MEMO1: variants seen among roughly 807,000 people sequenced by gnomAD.
The protein encoded by MEMO1 is mediator of cell motility 1.
MEMO1 carries 6 observed loss-of-function variants against 45.2 expected under a neutral mutation model. The ratio of observed to expected loss-of-function variants is 0.13; its 90% CI spans 0.07 to 0.26. MEMO1 has a LOEUF of 0.26. MEMO1 is among the 10% of genes least tolerant of loss of function. The pLI is 1.00. For missense variants in MEMO1, 184 were observed against 370.5 expected (o/e 0.50, Z 4.13); for synonymous variants, 78 against 124.3 (o/e 0.63, Z 2.48).
intron 2 of MEMO1, among the ~76,000 whole-genome samples, chr2:31,980,901 T>C (rs945130829): frequency 6.6e-6 from 1 of 152,196 alleles, no homozygotes; most frequent in African/African-American, 2.4e-5. Flanking sequence ...AACAGATGAC[T>C]AAATCAGGAA....
At chr2:31,946,527 C>T (rs559307814) in intron 2 of MEMO1, among the ~76,000 whole-genome samples, 3 of 152,256 alleles carry the variant, frequency 2.0e-5, no homozygotes, top group Admixed American at 6.5e-5. Context: ...AATGACGTTT[C>T]GGTCAACAAT....
chr2:31,991,874 T>A (rs1671996239), intron 2 of MEMO1, among the ~76,000 whole-genome samples: 1 of 152,134 alleles, frequency 6.6e-6, no homozygotes, highest in African/African-American at 2.4e-5. Flanking sequence ...CCATCATCTA[T>A]AGAAAAAACA....
chr2:31,904,949 A>G (rs1415296808), intron 6 of MEMO1, among the ~76,000 whole-genome samples: 4 of 152,098 alleles, frequency 2.6e-5, no homozygotes, highest in African/African-American at 4.8e-5. Context: ...GATCCAGAAA[A>G]CAGGCTGGGC....
chr2:31,932,142 A>G lies in MEMO1; in HGVS notation c.144-7T>C, dbSNP rs1664253673. ...GTACGTATATCCTGCATGGCTACAA[A>G]ACAAAATATTTTTAAACTTAATCAT... is the stretch of plus-strand genomic sequence containing the variant. On this transcript the variant is annotated splice_polypyrimidine_tract_variant and splice_region_variant and intron_variant, in intron 3 of 9. Coordinates refer to ENST00000404530, the MANE Select transcript of MEMO1 (RefSeq NM_001301833.4). 6.2e-7 allele frequency: 1 copy of G among 1,610,860 alleles called. No homozygotes were observed. Among genetic ancestry groups the G allele is most frequent in the African/African-American group, 1.3e-5 (1 of 74,990 alleles).
chr2:32,008,589 G>GA (rs952717520), intron 2 of MEMO1, among the ~76,000 whole-genome samples: 65 of 147,306 alleles, frequency 4.4e-4, no homozygotes, highest in South Asian at 3.1e-3. Context: ...GTCTAGAGAG[G>GA]AAAAAAAAAA....
At chr2:31,870,064 A>T (rs1673468059) in intron 8 of MEMO1, 112 bp from the exon 9 acceptor site, 2 of 834,542 alleles carry the variant, frequency 2.4e-6, no homozygotes, top group Non-Finnish European at 3.3e-6. Context: ...TCAATTAGGG[A>T]GACACAAAGA....
At chr2:31,973,079 A>G (rs570996056) in intron 2 of MEMO1, among the ~76,000 whole-genome samples, 3 of 152,334 alleles carry the variant, frequency 2.0e-5, no homozygotes, top group Non-Finnish European at 4.4e-5. Flanking sequence ...GTCACTGTGG[A>G]AAAGTTTGTC....
intron 2 of MEMO1, among the ~76,000 whole-genome samples, chr2:32,009,381 C>G (rs1310740103): frequency 2.0e-5 from 3 of 152,044 alleles, no homozygotes; most frequent in Admixed American, 6.5e-5. Context: ...ACCCCCAAGC[C>G]CCTAGCTTAG....
intron 6 of MEMO1, among the ~76,000 whole-genome samples, chr2:31,902,481 G>GA (rs1165561062): frequency 5.3e-5 from 8 of 151,012 alleles, no homozygotes; most frequent in Non-Finnish European, 1.5e-5. Context: ...TGTTGCAGAA[G>GA]AAAAAAAAGA....
At chr2:31,981,113 A>G (rs1670583752) in intron 2 of MEMO1, among the ~76,000 whole-genome samples, 1 of 152,248 alleles carries the variant, frequency 6.6e-6, no homozygotes, top group South Asian at 2.1e-4. Context: ...TCAGAATCAT[A>G]TACAGAGTTT....
At chr2:31,873,841 A>T (rs1674151019) in intron 8 of MEMO1, among the ~76,000 whole-genome samples, 1 of 152,134 alleles carries the variant, frequency 6.6e-6, no homozygotes, top group Non-Finnish European at 1.5e-5. Context: ...TCAAGATAAA[A>T]TAGTAACAGT....
chr2:31,906,323 T>C (rs903394982), intron 6 of MEMO1, among the ~76,000 whole-genome samples: 1 of 149,844 alleles, frequency 6.7e-6, no homozygotes, highest in East Asian at 2.0e-4. Flanking sequence ...GTTTGTTTGT[T>C]TTTGTTTTTG....
intron 2 of MEMO1, among the ~76,000 whole-genome samples, chr2:31,961,331 T>C (rs1250611321): frequency 6.6e-6 from 1 of 151,764 alleles, no homozygotes; most frequent in Non-Finnish European, 1.5e-5. Context: ...CACTCTAGCC[T>C]GGGTGATAAA....
At chr2:31,969,131 C>T (rs1022500920) in intron 2 of MEMO1, among the ~76,000 whole-genome samples, 2 of 151,526 alleles carry the variant, frequency 1.3e-5, no homozygotes, top group Admixed American at 6.6e-5. Flanking sequence ...TCACTATATC[C>T]AACTGGCCAT....
rs1349862736 is a variant in MEMO1 at position 32,006,318 on chromosome 2, AGAT to A, written c.61+3866_61+3868del. On this transcript the variant is annotated intron_variant, in intron 2 of 9. Transcript: ENST00000404530. The stretch of plus-strand genomic sequence containing the variant: ...AGACAGTTGTAATTATTCTGACAGA[AGAT>A]GATAAGGGCCTAAAATAATGGGATG... Among the ~76,000 whole-genome samples the A allele has an allele frequency of 1.3e-5, 2 of 152,250 alleles. 1 individual carries two copies. The highest frequency in any genetic ancestry group is 4.8e-5 in the African/African-American group (2 of 41,478).
At chr2:31,881,737 G>C (rs1375392388) in intron 8 of MEMO1, among the ~76,000 whole-genome samples, 2 of 152,100 alleles carry the variant, frequency 1.3e-5, no homozygotes, top group Admixed American at 1.3e-4. Flanking sequence ...GCCAAGTGCG[G>C]CAGCTCACAC....
intron 2 of MEMO1, among the ~76,000 whole-genome samples, chr2:31,962,066 T>C (rs552803670): frequency 2.2e-4 from 33 of 152,180 alleles, no homozygotes; most frequent in African/African-American, 7.7e-4. Context: ...AATTCAGTTG[T>C]TATACTAAGA....
chr2:31,997,135 T>C (rs1156828733), intron 2 of MEMO1, among the ~76,000 whole-genome samples: 1 of 151,950 alleles, frequency 6.6e-6, no homozygotes, highest in African/African-American at 2.4e-5. Flanking sequence ...ATGAAAAAAA[T>C]ACTTGAGGTA....
intron 2 of MEMO1, among the ~76,000 whole-genome samples, chr2:32,009,937 C>G (rs1674622566): frequency 6.6e-6 from 1 of 151,706 alleles, no homozygotes; most frequent in African/African-American, 2.4e-5. Context: ...AACTCTCCCT[C>G]TCGCCCAACT....
Sources: gnomAD v4.1 joint callset for allele counts (sites outside exome capture counted in the v4.1 genomes callset) on GRCh38, gnomAD v4.1.1 for gene constraint, MANE v1.5 for transcripts, NCBI Gene and HGNC (gene_info 2026-07-23, HGNC 2026-07-21) for gene names.